The following WDR4 variants were observed in gnomAD, a reference collection of about 807,000 sequenced individuals.
WDR4 encodes the protein tRNA (guanine-N(7)-)-methyltransferase non-catalytic subunit WDR4.
A neutral mutation model predicts 48.6 loss-of-function variants in WDR4; 47 were observed. The observed-to-expected ratio is 0.97, with a 90% CI of 0.77 to 1.23. WDR4 has a LOEUF of 1.23. Ranked by LOEUF, WDR4 falls within the 50% of genes most tolerant of loss-of-function variation. The pLI, the probability that WDR4 is intolerant of heterozygous loss-of-function variation, is 0.00. For missense variants in WDR4, 606 were observed against 551.6 expected (o/e 1.10, Z -0.99); for synonymous variants, 268 against 230.0 (o/e 1.17, Z -1.49).
the WDR4 span, among the ~76,000 whole-genome samples, chr21:42,890,027 A>G: frequency 6.6e-6 from 1 of 152,026 alleles, no homozygotes; most frequent in Non-Finnish European, 1.5e-5. Flanking sequence ...AACTGTAGTG[A>G]GCTATAACCA....
downstream of WDR4, among the ~76,000 whole-genome samples, chr21:42,848,824 G>A (rs1409623386): frequency 4.0e-5 from 2 of 50,596 alleles, no homozygotes; most frequent in East Asian, 4.1e-4. Context: ...ACACGATCAC[G>A]CGGCGCGCAC....
chr21:42,859,264 G>A (rs953645117), intron 6 of WDR4, among the ~76,000 whole-genome samples: 12 of 151,444 alleles, frequency 7.9e-5, no homozygotes, highest in Non-Finnish European at 1.6e-4. Flanking sequence ...AAGAAAGAAA[G>A]AAAAAAAGGA....
chr21:42,869,856 A>G (rs977199671), intron 3 of WDR4, among the ~76,000 whole-genome samples: 5 of 152,006 alleles, frequency 3.3e-5, no homozygotes, highest in African/African-American at 1.2e-4. Flanking sequence ...CTAAAAAAAT[A>G]GAAAAAATTA....
In WDR4 at chr21:42,863,433, C is replaced by T. The variant is rs1394674787; in HGVS notation, c.453+7G>A. ...CATGTCCCCCACCTACCACGTCCCC[C>T]ACCTACCACATCTAACAGCATAGAC... On this transcript the variant is annotated splice_region_variant and intron_variant, in intron 4 of 10. Transcript: ENST00000398208. The T allele has an allele frequency of 1.9e-6, 3 of 1,607,580 alleles. No individual in the cohort carries two copies. In the South Asian group the frequency reaches 3.3e-5, roughly 18 times the overall value.
In WDR4 at chr21:42,870,119, G is replaced by A. The variant is rs2058338091; in HGVS notation, c.296+3432C>T. Among the ~76,000 whole-genome samples the A allele has an allele frequency of 2.6e-5, 4 of 151,912 alleles. No individual in the cohort carries two copies. In the South Asian group the frequency reaches 8.3e-4, roughly 32 times the overall value. ...TAATCCCAACATTTTGGGAGGCCAA[G>A]GTCAGCGGATCACCTGAGGTCATGA... On this transcript the variant is annotated intron_variant, in intron 3 of 10. Coordinates refer to ENST00000398208, the MANE Select transcript of WDR4 (RefSeq NM_018669.6).
rs779959894 is a variant in WDR4, at chr21:42,879,424, G to A, written c.72C>T (p.Ala24=). The change falls in exon 1 of 11, where the codon GCC becomes GCT. Residue 24 remains alanine, a synonymous_variant. Coordinates refer to ENST00000398208, the MANE Select transcript of WDR4 (RefSeq NM_018669.6). ...LVVRGGSRFL[A]TSIASSDDDS... is the part of the protein sequence containing the mutation. ...CCCCTCACCTGCTTGCTATGGAGGT[G>A]GCCAGGAATCGGCTGCCGCCCCGCA... The A allele has an allele frequency of 6.2e-7, 1 of 1,613,862 alleles. No homozygotes were observed. The highest frequency in any genetic ancestry group is 2.2e-5 in the East Asian group (1 of 44,860).
chr21:42,855,922 TCTGA>T (rs371783148), intron 6 of WDR4, 142 bp from the exon 7 acceptor site: 42 of 541,056 alleles, frequency 7.8e-5, no homozygotes, highest in Middle Eastern at 4.4e-4. Flanking sequence ...GGCTCTCTGC[TCTGA>T]CTGTGTAAAT....
Position 42,862,522 on chromosome 21 carries a change from A to G in WDR4, c.454-128T>C. On this transcript the variant is annotated intron_variant, in intron 4 of 10. Coordinates refer to ENST00000398208, the MANE Select transcript of WDR4 (RefSeq NM_018669.6). This position sits in a 1 kb window ranked among gnomAD's most constrained non-coding sequence, Gnocchi z 4.3. ...AGGATGAGGCCTTCGAGGACAGACC[A>G]GCGTGGCTCCTCCCCTCCTCCCGTC... 1.3e-6 allele frequency: 1 copy of G among 782,850 alleles called. No homozygotes were observed. Among genetic ancestry groups the G allele is most frequent in the Non-Finnish European group, 2.0e-6 (1 of 489,032 alleles). The allele number at this position is 782,850 out of a possible 1,614,324, so 48.5% of individuals were successfully genotyped here.
chr21:42,863,676 G>C (rs1238839233), intron 3 of WDR4, 80 bp from the exon 4 acceptor site: 8 of 1,480,892 alleles, frequency 5.4e-6, no homozygotes, highest in Non-Finnish European at 5.5e-6. Context: ...CACGTGGGCG[G>C]TGGCAGGCAC....
chr21:42,883,845 T>C (rs539580553), upstream of WDR4: 2 of 153,438 alleles, frequency 1.3e-5, no homozygotes, highest in African/African-American at 4.8e-5. Context: ...TGGTAATGTG[T>C]ACATTTCAGT....
chr21:42,851,369 A>G (rs2057822688), intron 10 of WDR4, among the ~76,000 whole-genome samples: 1 of 152,172 alleles, frequency 6.6e-6, no homozygotes, highest in Non-Finnish European at 1.5e-5. Flanking sequence ...GAAGCCTCAG[A>G]GGCAGAGCCA....
intron 2 of WDR4, among the ~76,000 whole-genome samples, chr21:42,875,487 G>A (rs2058469722): frequency 6.6e-6 from 1 of 152,132 alleles, no homozygotes; most frequent in African/African-American, 2.4e-5. Context: ...CCAGGGAGGT[G>A]GAGGTTGCAG....
Position 42,864,091 on chromosome 21 carries a change from G to A in WDR4, c.297-495C>T, listed in dbSNP as rs536808630. ...CACCGCACTCCAGCCTGGGGCGACAGAGCGAGACTCCGTCTCAAAAAAAAA... is the reference window on the plus strand; with the variant it reads ...CACCGCACTCCAGCCTGGGGCGACAAAGCGAGACTCCGTCTCAAAAAAAAA... On this transcript the variant is annotated intron_variant, in intron 3 of 10. Transcript: ENST00000398208. Among the ~76,000 whole-genome samples the A allele has an allele frequency of 1.4e-3, 91 of 66,202 alleles. 11 individuals carry two copies. Among genetic ancestry groups the A allele is most frequent in the Non-Finnish European group, 1.8e-3 (67 of 38,228 alleles). The allele number at this position is 66,202 out of a possible 152,430, so 43.4% of individuals were successfully genotyped here.
At chr21:42,879,829 A>G (rs2058592329), upstream of WDR4, 1 of 412,518 alleles carries the variant, frequency 2.4e-6, no homozygotes, top group East Asian at 3.5e-5. Flanking sequence ...CGGTAGCTGG[A>G]GAGACGTAGG....
At chr21:42,881,389 C>T (rs2058609637), upstream of WDR4, among the ~76,000 whole-genome samples, 1 of 149,390 alleles carries the variant, frequency 6.7e-6, no homozygotes, top group Admixed American at 6.6e-5. Context: ...GCTCTAAATT[C>T]TGCTGGCCAG....
chr21:42,875,566 G>C (rs2058471183), intron 2 of WDR4, among the ~76,000 whole-genome samples: 1 of 152,034 alleles, frequency 6.6e-6, no homozygotes, highest in African/African-American at 2.4e-5. Context: ...AAAAAAATTA[G>C]GTATGTTGGC....
chr21:42,852,053 C>G (rs1478260743), intron 10 of WDR4, among the ~76,000 whole-genome samples: 1 of 152,230 alleles, frequency 6.6e-6, no homozygotes, highest in Non-Finnish European at 1.5e-5. Context: ...TCTCGTTAGC[C>G]TGACTCCCAT....
intron 10 of WDR4, 82 bp downstream of exon 10, chr21:42,852,173 C>T: frequency 7.0e-7 from 1 of 1,421,992 alleles, no homozygotes; most frequent in Non-Finnish European, 9.8e-7. Flanking sequence ...GTACCCCGGG[C>T]AGGTCACAGT....
At position 42,849,978 on chromosome 21, in the gene WDR4, G is replaced by A; in HGVS notation, c.*71C>T. Reference sequence around the variant, plus strand: ...CACCTTTTCCTTCTTGAAGGGACATGCCAGGATGCAGGGGAACAAGTTAAA... The same window carrying A: ...CACCTTTTCCTTCTTGAAGGGACATACCAGGATGCAGGGGAACAAGTTAAA... On this transcript the variant is annotated 3_prime_UTR_variant, in exon 11 of 11. Transcript: ENST00000398208. 6.3e-7 allele frequency: 1 copy of A among 1,580,742 alleles called. No individual in the cohort carries two copies. The highest frequency in any genetic ancestry group is 8.6e-7 in the Non-Finnish European group (1 of 1,159,630).
Sources: allele counts gnomAD v4.1 joint callset (sites outside exome capture counted in the v4.1 genomes callset), GRCh38; gene constraint gnomAD v4.1.1; non-coding constraint Gnocchi (gnomAD v3.1); transcripts MANE v1.5; gene names NCBI Gene and HGNC (gene_info 2026-07-23, HGNC 2026-07-21).